STK32B: variants seen among roughly 807,000 people sequenced by gnomAD.
STK32B encodes serine/threonine-protein kinase 32B.
A neutral mutation model predicts 52.6 loss-of-function variants in STK32B; 43 were observed. The observed-to-expected ratio is 0.82, with a 90% CI of 0.64 to 1.05. STK32B has a LOEUF of 1.05. STK32B is among the 50% of genes least tolerant of loss of function. The pLI, the probability that STK32B is intolerant of heterozygous loss-of-function variation, is 0.00. For missense variants in STK32B, 621 were observed against 534.6 expected, an observed-to-expected ratio of 1.16 and a Z score of -1.59; for synonymous variants, 238 against 204.3, an observed-to-expected ratio of 1.17 and a Z score of -1.41.
chr4:5,250,593 G>C (rs111845622), intron 3 of STK32B, among the ~76,000 whole-genome samples: 20 of 152,216 alleles, frequency 1.3e-4, no homozygotes, highest in African/African-American at 4.8e-4. Flanking sequence ...GATTACAGGC[G>C]TGAGCCACCG....
the STK32B span, among the ~76,000 whole-genome samples, chr4:5,035,464 G>C: frequency 1.3e-5 from 2 of 152,206 alleles, no homozygotes; most frequent in Non-Finnish European, 1.5e-5. Flanking sequence ...GGGACGATAT[G>C]CTCGACTATG....
At chr4:5,198,827 G>A (rs974425601) in intron 3 of STK32B, among the ~76,000 whole-genome samples, 2 of 152,162 alleles carry the variant, frequency 1.3e-5, no homozygotes, top group Admixed American at 6.5e-5. Flanking sequence ...GGCACTGGTT[G>A]TGTGGCAGTC....
chr4:5,496,330 G>C lies in STK32B; in HGVS notation c.1107-2615G>C, dbSNP rs560131326. On this transcript the variant is annotated intron_variant, in intron 11 of 11. Coordinates refer to ENST00000282908, the MANE Select transcript of STK32B (RefSeq NM_018401.3). The stretch of plus-strand genomic sequence containing the variant: ...GCTGCCGCCTTGCAGTTTGATCTCA[G>C]ACTGCTGTGCTAGCAATCAGCGAGA... 7.0e-4 allele frequency among the ~76,000 whole-genome samples: 106 copies of C among 152,300 alleles called. 1 individual carries two copies. The highest frequency in any genetic ancestry group is 2.4e-3 in the African/African-American group (100 of 41,550).
rs1239745385 is a variant in STK32B, at chr4:5,380,030, G to A, written c.435-18177G>A. Among the ~76,000 whole-genome samples, 2 of 152,198 alleles carry A rather than the reference G, an allele frequency of 1.3e-5. No individual in the cohort carries two copies. Among genetic ancestry groups the A allele is most frequent in the African/African-American group, 2.4e-5 (1 of 41,454 alleles). ...GCTGTAGCTACCACCGTCAGAGACA[G>A]GCCCTGAGGAAAACCACTGCCTCGA... On this transcript the variant is annotated intron_variant, in intron 4 of 11. Coordinates refer to ENST00000282908, the MANE Select transcript of STK32B (RefSeq NM_018401.3). This position sits in a 1 kb window ranked among gnomAD's most constrained non-coding sequence, Gnocchi z 4.3.
At chr4:5,065,882 C>G (rs1284409734) in intron 1 of STK32B, among the ~76,000 whole-genome samples, 1 of 152,086 alleles carries the variant, frequency 6.6e-6, no homozygotes, top group Non-Finnish European at 1.5e-5. Flanking sequence ...CACCACCACA[C>G]CCATCTAATT....
intron 4 of STK32B, among the ~76,000 whole-genome samples, chr4:5,364,919 A>G (rs764681240): frequency 1.3e-5 from 2 of 152,182 alleles, no homozygotes; most frequent in Non-Finnish European, 2.9e-5. Flanking sequence ...CTTGTTGCCC[A>G]GGCTGGAGTG....
chr4:5,143,966 G>C (rs1426423680), intron 2 of STK32B, among the ~76,000 whole-genome samples: 5 of 152,198 alleles, frequency 3.3e-5, no homozygotes, highest in African/African-American at 4.8e-5. Flanking sequence ...TTCACCATCT[G>C]TACCTCCACC....
At chr4:5,383,983 C>T (rs893746213) in intron 4 of STK32B, among the ~76,000 whole-genome samples, 7 of 152,072 alleles carry the variant, frequency 4.6e-5, no homozygotes, top group African/African-American at 9.7e-5. Context: ...TGATAGGGAG[C>T]GCTGGGGAGC....
intron 3 of STK32B, among the ~76,000 whole-genome samples, chr4:5,307,320 G>C (rs992411808): frequency 6.6e-6 from 1 of 152,072 alleles, no homozygotes. Flanking sequence ...CTTCTTGGAG[G>C]CTTTGTTCAT....
chr4:5,425,657 A>G (rs66517304), intron 6 of STK32B, among the ~76,000 whole-genome samples: 23,223 of 152,152 alleles, frequency 0.15, 2,428 homozygotes, highest in East Asian at 0.41. Flanking sequence ...CTTAGTTTTG[A>G]GGAATAATTT....
At chr4:5,369,617 T>C (rs973617665) in intron 4 of STK32B, among the ~76,000 whole-genome samples, 7 of 152,252 alleles carry the variant, frequency 4.6e-5, no homozygotes, top group African/African-American at 1.4e-4. Flanking sequence ...GTATAGCTCC[T>C]TCTTCATGCT....
chr4:5,258,801 A>G (rs1016074650), intron 3 of STK32B, among the ~76,000 whole-genome samples: 2 of 151,928 alleles, frequency 1.3e-5, no homozygotes, highest in African/African-American at 4.8e-5. Flanking sequence ...GCTGCAGGGG[A>G]TCCTATTAAA....
At chr4:5,025,109 GA>G in the STK32B span, among the ~76,000 whole-genome samples, 1 of 148,794 alleles carries the variant, frequency 6.7e-6, no homozygotes, top group East Asian at 1.9e-4. Context: ...CCGAGTATGG[GA>G]GGGGGGAATC....
At chr4:5,112,073 T>C (rs1399270143) in intron 1 of STK32B, among the ~76,000 whole-genome samples, 1 of 152,160 alleles carries the variant, frequency 6.6e-6, no homozygotes, top group Non-Finnish European at 1.5e-5. Context: ...AGGTAAGAGC[T>C]GCTCTCAGAG....
chr4:5,140,286 A>G (rs551380507), intron 2 of STK32B: 1 of 1,353,726 alleles, frequency 7.4e-7, no homozygotes, highest in East Asian at 4.2e-5. Flanking sequence ...CTTTCCAGCA[A>G]CATAGACGTT....
At chr4:5,265,494 C>A (rs1727001885) in intron 3 of STK32B, among the ~76,000 whole-genome samples, 2 of 152,174 alleles carry the variant, frequency 1.3e-5, no homozygotes, top group South Asian at 4.1e-4. Context: ...TTGGAAGCAC[C>A]TCAGAGCTAA....
Position 5,395,782 on chromosome 4 carries a change from G to A in STK32B, c.435-2425G>A, listed in dbSNP as rs2109042582. Among the ~76,000 whole-genome samples the A allele has an allele frequency of 6.6e-6, 1 of 152,346 alleles. No homozygotes were observed. The highest frequency in any genetic ancestry group is 1.5e-5 in the Non-Finnish European group (1 of 68,026). On this transcript the variant is annotated intron_variant, in intron 4 of 11. Coordinates refer to ENST00000282908, the MANE Select transcript of STK32B (RefSeq NM_018401.3). This position sits in a 1 kb window ranked among gnomAD's most constrained non-coding sequence, Gnocchi z 4.4. ...CTGAAGCAGAGGCAGAGATCATGCA[G>A]GTAGTCAAAAGTGAGACTGGAGTTG...
At chr4:5,302,045 G>T (rs28576563) in intron 3 of STK32B, among the ~76,000 whole-genome samples, 10,322 of 151,136 alleles carry the variant, frequency 0.068, 395 homozygotes, top group South Asian at 0.098. Context: ...ACATTTTCTA[G>T]TATGCTATTT....
In STK32B at chr4:5,392,972, A is replaced by G. The variant is rs193040568; in HGVS notation, c.435-5235A>G. Among the ~76,000 whole-genome samples the G allele has an allele frequency of 2.0e-5, 3 of 152,340 alleles. No individual in the cohort carries two copies. The East Asian group carries it at 5.8e-4, about 29-fold the overall frequency. On this transcript the variant is annotated intron_variant, in intron 4 of 11. Transcript: ENST00000282908. ...AGGAGACAGAAGGGAGAAAGAAGTA[A>G]TGTTTAATGAGTAGAGATGATGTGT...
Sources: allele counts gnomAD v4.1 joint callset (sites outside exome capture counted in the v4.1 genomes callset), GRCh38; gene constraint gnomAD v4.1.1; non-coding constraint Gnocchi (gnomAD v3.1); transcripts MANE v1.5; gene names NCBI Gene and HGNC (gene_info 2026-07-23, HGNC 2026-07-21).